The following DCUN1D4 variants were observed in gnomAD, a reference collection of about 807,000 sequenced individuals.
DCUN1D4 encodes DCN1-like protein 4.
In DCUN1D4, 22 loss-of-function variants were observed where a neutral mutation model predicts 47.9. The observed-to-expected ratio is 0.46, with a 90% CI of 0.33 to 0.66. The LOEUF (loss-of-function observed/expected upper bound fraction) is 0.66. Ranked by LOEUF, DCUN1D4 falls within the 30% of genes least tolerant of loss-of-function variation. The pLI, the probability that DCUN1D4 is intolerant of heterozygous loss-of-function variation, is 0.02. For missense variants in DCUN1D4, 301 were observed against 340.8 expected, an observed-to-expected ratio of 0.88 and a Z score of 0.92; for synonymous variants, 121 against 112.2, an observed-to-expected ratio of 1.08 and a Z score of -0.50.
the DCUN1D4 span, among the ~76,000 whole-genome samples, chr4:51,836,422 C>T: frequency 2.6e-5 from 4 of 152,256 alleles, no homozygotes; most frequent in Non-Finnish European, 5.9e-5. Context: ...TGTTTGTGTG[C>T]GTGCCTGCAG....
intron 1 of DCUN1D4, 42 bp downstream of exon 1, chr4:51,843,309 C>T (rs1049768141): frequency 1.3e-6 from 2 of 1,501,722 alleles, no homozygotes; most frequent in Admixed American, 2.2e-5. Context: ...GGCCGGGCGG[C>T]TGCCAAACTC....
chr4:51,882,079 T>G (rs916116937), intron 5 of DCUN1D4, among the ~76,000 whole-genome samples: 23 of 148,092 alleles, frequency 1.6e-4, no homozygotes, highest in Non-Finnish European at 1.3e-4. Flanking sequence ...TTAACCTATT[T>G]TGGATAAGAT....
chr4:51,907,445 G>A (rs1218486007), intron 8 of DCUN1D4, among the ~76,000 whole-genome samples: 1 of 152,272 alleles, frequency 6.6e-6, no homozygotes, highest in Middle Eastern at 3.4e-3. Context: ...CTGGGTTAAG[G>A]AGGACTGCAT....
the DCUN1D4 span, among the ~76,000 whole-genome samples, chr4:51,834,077 TC>T: frequency 0.014 from 2,003 of 139,406 alleles, 60 homozygotes; most frequent in African/African-American, 0.023. Flanking sequence ...TCTCTCTCTC[TC>T]TCTCTCTCTT....
the DCUN1D4 span, among the ~76,000 whole-genome samples, chr4:51,837,464 G>C: frequency 2.6e-5 from 4 of 151,550 alleles, no homozygotes; most frequent in Admixed American, 6.6e-5. Context: ...TCAGGAGATC[G>C]AGACCACGGT....
intron 7 of DCUN1D4, among the ~76,000 whole-genome samples, chr4:51,898,258 T>C (rs1439057598): frequency 6.6e-6 from 1 of 151,598 alleles, no homozygotes; most frequent in South Asian, 2.1e-4. Context: ...TGAGAGAGAG[T>C]GAGGACCCAT....
intron 7 of DCUN1D4, among the ~76,000 whole-genome samples, chr4:51,897,028 G>C (rs1441709632): frequency 6.6e-6 from 1 of 152,138 alleles, no homozygotes; most frequent in Non-Finnish European, 1.5e-5. Context: ...ACTCCCATCT[G>C]CTTCTGGGCC....
intron 1 of DCUN1D4, among the ~76,000 whole-genome samples, chr4:51,848,052 T>A (rs1363552878): frequency 6.6e-6 from 1 of 152,250 alleles, no homozygotes; most frequent in Admixed American, 6.5e-5. Context: ...AACTTGTGCA[T>A]TATCTAGAAA....
chr4:51,863,806 C>A, intron 3 of DCUN1D4, 97 bp downstream of exon 3: 1 of 1,271,160 alleles, frequency 7.9e-7, no homozygotes, highest in Non-Finnish European at 1.1e-6. Flanking sequence ...TCATAATGTA[C>A]TCCATTAACA....
chr4:51,872,878 G>A (rs1727114419), intron 3 of DCUN1D4, among the ~76,000 whole-genome samples: 1 of 152,234 alleles, frequency 6.6e-6, no homozygotes, highest in Non-Finnish European at 1.5e-5. Context: ...TGAGCGCAGT[G>A]CGCATGCCTC....
chr4:51,863,891 A>C (rs1229817073), intron 3 of DCUN1D4, among the ~76,000 whole-genome samples, 182 bp downstream of exon 3: 2 of 152,220 alleles, frequency 1.3e-5, no homozygotes, highest in Non-Finnish European at 2.9e-5. Flanking sequence ...CCAGTAGGAA[A>C]TCTCTTCTGG....
intron 4 of DCUN1D4, among the ~76,000 whole-genome samples, chr4:51,875,664 C>T (rs1247376741): frequency 1.3e-5 from 2 of 152,136 alleles, no homozygotes; most frequent in African/African-American, 4.8e-5. Context: ...CACTCCCAGC[C>T]CCAGACAACC....
chr4:51,843,804 TG>T (rs1218739029), intron 1 of DCUN1D4: 1,307 of 21,220 alleles, frequency 0.062, 24 homozygotes, highest in Middle Eastern at 0.2. Context: ...GGCGGGGGGG[TG>T]GGGGGGGGGC....
chr4:51,858,027 G>A (rs117987178), intron 1 of DCUN1D4, among the ~76,000 whole-genome samples: 2 of 152,284 alleles, frequency 1.3e-5, no homozygotes, highest in East Asian at 1.9e-4. Flanking sequence ...ATGTCAGATG[G>A]TATTAATGCT....
chr4:51,879,335 G>A lies in DCUN1D4; in HGVS notation c.343+1481G>A, dbSNP rs114762405. Among the ~76,000 whole-genome samples the A allele has an allele frequency of 3.7e-3, 568 of 152,322 alleles. 2 individuals carry two copies. Among genetic ancestry groups the A allele is most frequent in the Non-Finnish European group, 6.6e-3 (450 of 68,022 alleles). ...GTAAAAGTGATTGACGGCTGGGCGCGGTGGCTCACGTCTGAAATCCCAGCA... is the reference window on the plus strand; with the variant it reads ...GTAAAAGTGATTGACGGCTGGGCGCAGTGGCTCACGTCTGAAATCCCAGCA... On this transcript the variant is annotated intron_variant, in intron 5 of 10. Transcript: ENST00000334635.
At chr4:51,872,456 T>G (rs186064542) in intron 3 of DCUN1D4, among the ~76,000 whole-genome samples, 2 of 152,316 alleles carry the variant, frequency 1.3e-5, no homozygotes, top group East Asian at 3.9e-4. Context: ...CACCAATCCA[T>G]GGACACTGTA....
At chr4:51,869,612 A>T (rs556420273) in intron 3 of DCUN1D4, among the ~76,000 whole-genome samples, 1 of 152,214 alleles carries the variant, frequency 6.6e-6, no homozygotes. Flanking sequence ...AGATTAAAAA[A>T]AAAGGAAGTG....
At chr4:51,904,928 A>G (rs1316634760) in intron 8 of DCUN1D4, among the ~76,000 whole-genome samples, 2 of 152,172 alleles carry the variant, frequency 1.3e-5, no homozygotes, top group African/African-American at 4.8e-5. Context: ...TTAATATCCC[A>G]AATATTATAT....
At chr4:51,862,350 G>A (rs926189014) in intron 1 of DCUN1D4, among the ~76,000 whole-genome samples, 4 of 152,260 alleles carry the variant, frequency 2.6e-5, no homozygotes, top group African/African-American at 7.2e-5. Flanking sequence ...TTCTAACTGT[G>A]AACAGGGAGG....
Sources: allele counts gnomAD v4.1 joint callset (sites outside exome capture counted in the v4.1 genomes callset), GRCh38; gene constraint gnomAD v4.1.1; transcripts MANE v1.5; gene names NCBI Gene and HGNC (gene_info 2026-07-23, HGNC 2026-07-21).